Variants in TBCD observed in about 807,000 individuals in gnomAD.
TBCD encodes tubulin-specific chaperone D.
Under a neutral mutation model 169.3 loss-of-function variants are expected in TBCD, and 105 were observed. The ratio of observed to expected loss-of-function variants is 0.62; its 90% CI spans 0.53 to 0.73. TBCD has a LOEUF of 0.73. TBCD is among the 30% of genes least tolerant of loss of function. TBCD has a pLI of 0.00. For missense variants in TBCD, 1,444 were observed against 1,600.1 expected (o/e 0.90, Z 1.66); for synonymous variants, 700 against 643.9 (o/e 1.09, Z -1.32).
At chr17:82,914,909 G>A (rs8078148) in intron 23 of TBCD, among the ~76,000 whole-genome samples, 6,533 of 152,254 alleles carry the variant, frequency 0.043, 272 homozygotes, top group African/African-American at 0.11. Flanking sequence ...TCTGCATAGC[G>A]TCTGTGGTCT....
In TBCD at chr17:82,805,959, C is replaced by T. The variant is rs746230028; in HGVS notation, c.1035C>T (p.Thr345=). 19 of 1,613,356 alleles carry T rather than the reference C, an allele frequency of 1.2e-5. No homozygotes were observed. Among genetic ancestry groups the T allele is most frequent in the Middle Eastern group, 1.6e-4 (1 of 6,080 alleles). Residue 345 remains threonine (T), a synonymous_variant, in exon 10 of 39, where the codon ACC becomes ACT. Coordinates refer to ENST00000355528, the MANE Select transcript of TBCD (RefSeq NM_005993.5). ...GTGAGCAGAAGCCACTCATCCTGAC[C>T]GAAGATGACGACGAAGATGACGACG... The part of the protein sequence containing the change: ...GQSEQKPLIL[T]EDDDEDDDVP...
chr17:82,862,479 T>G lies in TBCD; in HGVS notation c.1319-7745T>G, dbSNP rs558235284. Among the ~76,000 whole-genome samples the G allele has an allele frequency of 2.0e-5, 3 of 152,032 alleles. No homozygotes were observed. The East Asian group carries it at 5.8e-4, about 30-fold the overall frequency. ...GGTGGGAACATGGCCTTGGGTTCTT[T>G]CCTCCTTGCAGTTTGGGTGAATAAT... On this transcript the variant is annotated intron_variant, in intron 13 of 38. Coordinates refer to ENST00000355528, the MANE Select transcript of TBCD (RefSeq NM_005993.5).
chr17:82,903,362 T>C lies in TBCD; in HGVS notation c.1731-43T>C. 1 of 1,534,426 alleles carries C rather than the reference T, an allele frequency of 6.5e-7. No individual in the cohort carries two copies. The highest frequency in any genetic ancestry group is 2.4e-5 in the East Asian group (1 of 42,270). On this transcript the variant is annotated intron_variant, in intron 18 of 38. Transcript: ENST00000355528. This position sits in a 1 kb window ranked among gnomAD's most constrained non-coding sequence, Gnocchi z 4.8. Reference sequence around the variant, plus strand: ...TTTTATGAATTGAATAAAGCTAGAATCATAAAATGAAGGCACTTACGACAT... The same window carrying C: ...TTTTATGAATTGAATAAAGCTAGAACCATAAAATGAAGGCACTTACGACAT...
At chr17:82,753,073 C>T (rs185966077) in intron 1 of TBCD, among the ~76,000 whole-genome samples, 1 of 152,274 alleles carries the variant, frequency 6.6e-6, no homozygotes, top group African/African-American at 2.4e-5. Context: ...CAAACAAGTC[C>T]TTAGGAGCTC....
Position 82,884,240 on chromosome 17 carries a change from T to TG in TBCD, c.1533+44dup. Reference sequence around the variant, plus strand: ...ATTTTGATATTTCCTTTCCTGAAGGTGGGGGGTGGGCCTGGTCTCCCTGAT... The same window carrying TG: ...ATTTTGATATTTCCTTTCCTGAAGGTGGGGGGGTGGGCCTGGTCTCCCTGAT... On this transcript the variant is annotated intron_variant, in intron 15 of 38. Transcript: ENST00000355528. This position sits in a 1 kb window ranked among gnomAD's most constrained non-coding sequence, Gnocchi z 4.2. 1 of 1,556,328 alleles carries TG rather than the reference T, an allele frequency of 6.4e-7. No homozygotes were observed. The highest frequency in any genetic ancestry group is 8.7e-7 in the Non-Finnish European group (1 of 1,144,782).
intron 9 of TBCD, among the ~76,000 whole-genome samples, chr17:82,803,306 C>G (rs935268286): frequency 1.3e-5 from 2 of 152,200 alleles, no homozygotes; most frequent in African/African-American, 4.8e-5. Flanking sequence ...GTGAAAGTCA[C>G]GGCTTTCTCT....
At chr17:82,901,901 AATTT>A (rs895260830) in intron 18 of TBCD, among the ~76,000 whole-genome samples, 3 of 152,186 alleles carry the variant, frequency 2.0e-5, no homozygotes, top group Non-Finnish European at 4.4e-5. Flanking sequence ...AAAATTAATT[AATTT>A]GTCAGTTGTA....
At chr17:82,848,786 G>C (rs886111713) in intron 13 of TBCD, among the ~76,000 whole-genome samples, 1 of 152,108 alleles carries the variant, frequency 6.6e-6, no homozygotes, top group African/African-American at 2.4e-5. Context: ...GTGTCTCCTG[G>C]AGGCTTCTGC....
At chr17:82,894,117 A>ACTGTTTCTTTCT (rs2059330261) in intron 17 of TBCD, among the ~76,000 whole-genome samples, 1 of 46,978 alleles carries the variant, frequency 2.1e-5, no homozygotes, top group African/African-American at 1.5e-4. Context: ...AGTGTTTTGA[A>ACTGTTTCTTTCT]GTTGAAGTTA....
intron 9 of TBCD, among the ~76,000 whole-genome samples, chr17:82,805,315 CTG>C (rs968870722): frequency 6.6e-6 from 1 of 152,206 alleles, no homozygotes. Context: ...GTCCCAGGGT[CTG>C]TGCCATGGGC....
intron 2 of TBCD, among the ~76,000 whole-genome samples, chr17:82,758,692 C>G: frequency 9.2e-6 from 1 of 108,408 alleles, no homozygotes; most frequent in African/African-American, 3.5e-5. Flanking sequence ...GATGTAGTCT[C>G]TCTGTTGCCC....
At chr17:82,840,770 C>T (rs2054413313) in intron 13 of TBCD, among the ~76,000 whole-genome samples, 1 of 152,122 alleles carries the variant, frequency 6.6e-6, no homozygotes, top group Admixed American at 6.5e-5. Context: ...CCCACCAAAA[C>T]TGCTTGCTTG....
In TBCD at chr17:82,927,214, G is replaced by A. The variant is rs2147263331; in HGVS notation, c.2500G>A (p.Gly834Arg). The A allele has an allele frequency of 1.2e-6, 2 of 1,614,056 alleles. No homozygotes were observed. The highest frequency in any genetic ancestry group is 2.7e-5 in the African/African-American group (2 of 75,066). Residue 834 changes from glycine (G) to arginine (R), a missense_variant, in exon 29 of 39, where the codon GGA (glycine) becomes AGA (arginine). Gly to Arg is a moderately radical substitution (Grantham distance 125, BLOSUM62 -2). Transcript: ENST00000355528. ...TTGCCAGACTGTTGGTGTGAAAGCA[G>A]GAGCCCCAGACGAAGCTGTGTGCGG... The part of the protein sequence containing the change: ...RICQTVGVKA[G>R]APDEAVCGEN...
intron 12 of TBCD, 73 bp from the exon 13 acceptor site, chr17:82,814,767 C>T: frequency 6.9e-7 from 1 of 1,452,562 alleles, no homozygotes; most frequent in Non-Finnish European, 9.6e-7. Context: ...AGGCTGTGCT[C>T]CTTGCCATGC....
intron 26 of TBCD, among the ~76,000 whole-genome samples, chr17:82,924,108 C>T (rs2053133967): frequency 6.6e-6 from 1 of 152,114 alleles, no homozygotes; most frequent in Non-Finnish European, 1.5e-5. Context: ...TGCCTGCCAC[C>T]ATACCCGGCT....
At chr17:82,803,620 T>C (rs6650593) in intron 9 of TBCD, among the ~76,000 whole-genome samples, 12,936 of 152,044 alleles carry the variant, frequency 0.085, 1,446 homozygotes, top group African/African-American at 0.26. Flanking sequence ...GGGGAGGAGG[T>C]GGAGGTGGCC....
chr17:82,783,792 C>T (rs1457903285), intron 7 of TBCD, among the ~76,000 whole-genome samples: 2 of 152,086 alleles, frequency 1.3e-5, no homozygotes, highest in African/African-American at 4.8e-5. Context: ...TTACAAATTA[C>T]GCTGTGAAGA....
At position 82,921,580 on chromosome 17, in the gene TBCD, AC is replaced by A. The variant is rs1460250311; in HGVS notation, c.2178+4del. ...GTCACTCCCGCCAGCAGATGAAGGT[AC>A]AGTGAGCATGGGCGTTCCCGGCCGG... On this transcript the variant is annotated splice_donor_region_variant and intron_variant, in intron 25 of 38. Transcript: ENST00000355528. 3.1e-6 allele frequency: 5 copies of A among 1,613,966 alleles called. No individual in the cohort carries two copies. The highest frequency in any genetic ancestry group is 4.2e-6 in the Non-Finnish European group (5 of 1,179,820).
At chr17:82,925,190 G>C in intron 27 of TBCD, 133 bp downstream of exon 27, 1 of 731,696 alleles carries the variant, frequency 1.4e-6, no homozygotes, top group Non-Finnish European at 2.2e-6. Flanking sequence ...CCTGGAAACC[G>C]GCACCTGTGG....
Sources: gnomAD v4.1 joint callset for allele counts (sites outside exome capture counted in the v4.1 genomes callset) on GRCh38, gnomAD v4.1.1 for gene constraint, Gnocchi (gnomAD v3.1) non-coding constraint, MANE v1.5 for transcripts, NCBI Gene and HGNC (gene_info 2026-07-23, HGNC 2026-07-21) for gene names.